Variants in NTN1 observed in about 807,000 individuals in gnomAD.
NTN1 encodes the protein netrin-1.
Under a neutral mutation model 54.2 loss-of-function variants are expected in NTN1, and 11 were observed. The observed-to-expected ratio is 0.20, with a 90% CI of 0.13 to 0.34. NTN1 has a LOEUF of 0.34. Ranked by LOEUF, NTN1 falls within the 10% of genes least tolerant of loss-of-function variation. NTN1 has a pLI of 1.00. For synonymous variants in NTN1, 371 were observed against 382.0 expected (o/e 0.97, Z 0.33); for missense variants, 740 against 893.1 (o/e 0.83, Z 2.18).
chr17:9,137,032 A>G (rs1234730024), intron 2 of NTN1, among the ~76,000 whole-genome samples: 1 of 152,144 alleles, frequency 6.6e-6, no homozygotes, highest in Non-Finnish European at 1.5e-5. Flanking sequence ...AATTTTTCCT[A>G]TGCCATTTTC....
chr17:9,065,665 A>T (rs2092012880), intron 2 of NTN1, among the ~76,000 whole-genome samples: 1 of 152,210 alleles, frequency 6.6e-6, no homozygotes, highest in Non-Finnish European at 1.5e-5. Context: ...GCCTGGGTAT[A>T]GCCCGTGAGC....
chr17:9,181,561 C>T (rs2092419090), intron 4 of NTN1, among the ~76,000 whole-genome samples: 1 of 152,188 alleles, frequency 6.6e-6, no homozygotes. Context: ...AATACAGTTG[C>T]CTGGGAGCAA....
At chr17:9,019,972 A>G (rs150439828), upstream of NTN1, among the ~76,000 whole-genome samples, 675 of 152,314 alleles carry the variant, frequency 4.4e-3, 7 homozygotes, top group African/African-American at 0.015. Context: ...CCCCGGGGTA[A>G]GAAGATGAAT....
chr17:9,098,041 A>G (rs2092137689), intron 2 of NTN1, among the ~76,000 whole-genome samples: 1 of 152,134 alleles, frequency 6.6e-6, no homozygotes, highest in African/African-American at 2.4e-5. Flanking sequence ...AGATCAGATG[A>G]TTCTATTGAG....
chr17:9,183,411 A>G (rs1475469457), intron 5 of NTN1: 2 of 435,046 alleles, frequency 4.6e-6, no homozygotes, highest in South Asian at 3.5e-5. Context: ...GGAGAATCAC[A>G]TCTTCATTTT....
chr17:9,204,162 C>T (rs72811991), intron 5 of NTN1, among the ~76,000 whole-genome samples: 1 of 141,802 alleles, frequency 7.1e-6, no homozygotes, highest in African/African-American at 2.9e-5. Flanking sequence ...AAGGATAGAC[C>T]ACCCTTAGTA....
chr17:9,228,950 CTCTGCGTG>C (rs1400889030), intron 6 of NTN1, among the ~76,000 whole-genome samples: 3 of 6,266 alleles, frequency 4.8e-4, no homozygotes, highest in African/African-American at 1.3e-3. Context: ...GGCTGTGTGA[CTCTGCGTG>C]TGTGATTGTG....
At chr17:9,131,560 G>A (rs7211163) in intron 2 of NTN1, among the ~76,000 whole-genome samples, 8,297 of 150,940 alleles carry the variant, frequency 0.055, 291 homozygotes, top group East Asian at 0.14. Context: ...TCTGTGTTTC[G>A]GCCATGGTAT....
intron 5 of NTN1, among the ~76,000 whole-genome samples, chr17:9,198,761 C>T (rs932852914): frequency 3.9e-5 from 6 of 152,202 alleles, no homozygotes; most frequent in African/African-American, 1.4e-4. Context: ...AGTTCAGGCT[C>T]AGCTGTGGAT....
chr17:9,128,340 GC>G (rs2092253965), intron 2 of NTN1, among the ~76,000 whole-genome samples: 1 of 150,452 alleles, frequency 6.6e-6, no homozygotes, highest in Admixed American at 6.6e-5. Flanking sequence ...ATCCCAGGCT[GC>G]CCCGACCTCT....
intron 2 of NTN1, among the ~76,000 whole-genome samples, chr17:9,146,078 C>T (rs140328605): frequency 2.0e-5 from 3 of 152,266 alleles, no homozygotes; most frequent in East Asian, 1.9e-4. Flanking sequence ...GAGACCCCTG[C>T]GAGGCCCTTG....
intron 5 of NTN1, among the ~76,000 whole-genome samples, chr17:9,195,422 G>A (rs1384076881): frequency 3.3e-5 from 5 of 152,224 alleles, no homozygotes; most frequent in Non-Finnish European, 7.3e-5. Flanking sequence ...GGATCAAGGA[G>A]CATGGCTGAT....
At position 9,039,275 on chromosome 17, in the gene NTN1, T is replaced by A. The variant is rs115276819; in HGVS notation, c.1018+15884T>A. Among the ~76,000 whole-genome samples, 1,523 of 152,356 alleles carry A rather than the reference T, an allele frequency of 1.0e-2. 26 individuals carry two copies. Among genetic ancestry groups the A allele is most frequent in the African/African-American group, 0.032 (1,341 of 41,586 alleles). On this transcript the variant is annotated intron_variant, in intron 2 of 6. Transcript: ENST00000173229. ...TGGCTTTAGATGAGTTTGTCAAGTT[T>A]CATTACAAATGCCATTAGTAATTTG... is the stretch of plus-strand genomic sequence containing the variant.
chr17:9,214,435 A>G (rs1201239411), intron 5 of NTN1, among the ~76,000 whole-genome samples: 1 of 152,158 alleles, frequency 6.6e-6, no homozygotes, highest in Non-Finnish European at 1.5e-5. Flanking sequence ...CTTGAATTCT[A>G]CTTTGCTGAT....
chr17:9,121,593 C>T (rs745366861), intron 2 of NTN1, among the ~76,000 whole-genome samples: 1 of 152,134 alleles, frequency 6.6e-6, no homozygotes, highest in Non-Finnish European at 1.5e-5. Flanking sequence ...CGCTGCCTCT[C>T]CCCACATTTT....
chr17:9,062,965 T>C (rs557163122), intron 2 of NTN1, among the ~76,000 whole-genome samples: 3 of 152,242 alleles, frequency 2.0e-5, no homozygotes, highest in African/African-American at 4.8e-5. Flanking sequence ...TACATCTTTT[T>C]TGAGCTTCTG....
intron 6 of NTN1, among the ~76,000 whole-genome samples, chr17:9,224,910 C>T (rs1391471444): frequency 6.6e-6 from 1 of 152,142 alleles, no homozygotes; most frequent in Non-Finnish European, 1.5e-5. Context: ...GACTCCACAG[C>T]CAGGACTGAC....
intron 2 of NTN1, among the ~76,000 whole-genome samples, chr17:9,116,503 C>T (rs946392763): frequency 6.6e-6 from 1 of 152,330 alleles, no homozygotes; most frequent in Non-Finnish European, 1.5e-5. Context: ...TCTCCCTGCC[C>T]TCTTTCTCTC....
At chr17:9,155,560 C>T (rs1013392921) in intron 2 of NTN1, among the ~76,000 whole-genome samples, 2 of 152,060 alleles carry the variant, frequency 1.3e-5, no homozygotes, top group African/African-American at 4.8e-5. Flanking sequence ...AGGCTGGTTT[C>T]AAACTCCTGA....
Sources: gnomAD v4.1 joint callset for allele counts (sites outside exome capture counted in the v4.1 genomes callset) on GRCh38, gnomAD v4.1.1 for gene constraint, MANE v1.5 for transcripts, NCBI Gene and HGNC (gene_info 2026-07-23, HGNC 2026-07-21) for gene names.